The following RPS6KA2 variants were observed in gnomAD, a reference collection of about 807,000 sequenced individuals.
RPS6KA2 encodes the protein ribosomal protein S6 kinase A2, also known as ribosomal protein S6 kinase alpha-2.
Under a neutral mutation model 91.8 loss-of-function variants are expected in RPS6KA2, and 42 were observed. The ratio of observed to expected loss-of-function variants is 0.46; its 90% confidence interval spans 0.36 to 0.59. The LOEUF is 0.59. RPS6KA2 is among the 20% of genes least tolerant of loss of function. The probability of loss-of-function intolerance (pLI) is 0.00; values close to 1 mark genes in which losing one functional copy is unlikely to be tolerated. For missense variants in RPS6KA2, 798 were observed against 978.5 expected, an observed-to-expected ratio of 0.82 and a Z score of 2.46; for synonymous variants, 414 against 393.6, an observed-to-expected ratio of 1.05 and a Z score of -0.61.
chr6:166,469,737 A>T, intron 11 of RPS6KA2, 104 bp downstream of exon 11: 1 of 1,045,774 alleles, frequency 9.6e-7, no homozygotes, highest in Non-Finnish European at 1.5e-6. Flanking sequence ...CCTCCGACCT[A>T]CTTGTGACCC....
rs561563535 is a variant in RPS6KA2 at position 166,643,284 on chromosome 6, T to C, written c.124-104500A>G. On this transcript the variant is annotated intron_variant, in intron 2 of 21. Transcript: ENST00000503859. ...GTCAATGTTAATGAGCTAAACTCTC[T>C]AGTTAAAAGACAAAGAGTGCCAAAT... Among the ~76,000 whole-genome samples the C allele has an allele frequency of 2.6e-3, 398 of 152,334 alleles. 3 individuals are homozygous for C. The highest frequency in any genetic ancestry group is 8.9e-3 in the African/African-American group (369 of 41,572).
At chr6:166,814,397 G>A (rs1779711148) in intron 2 of RPS6KA2, among the ~76,000 whole-genome samples, 1 of 152,188 alleles carries the variant, frequency 6.6e-6, no homozygotes, top group South Asian at 2.1e-4. Flanking sequence ...TTGGTAATAT[G>A]TGCAAATACT....
intron 2 of RPS6KA2, among the ~76,000 whole-genome samples, chr6:166,785,024 G>A (rs1156850627): frequency 6.6e-6 from 1 of 152,220 alleles, no homozygotes; most frequent in Admixed American, 6.5e-5. Context: ...AGAGCAGGTT[G>A]TAGCTATTGG....
rs1786212149 is a variant in RPS6KA2, at chr6:166,612,326, G to C, written c.99+14595C>G. On this transcript the variant is annotated intron_variant, in intron 1 of 20. Coordinates refer to ENST00000265678, the MANE Select transcript of RPS6KA2 (RefSeq NM_021135.6). This position sits in a 1 kb window ranked among gnomAD's most constrained non-coding sequence, Gnocchi z 4.3. ...GGGACTTGTCCTTTCTGGCTTCTCAGTGGTCTGCTCAGAGACGTTTATCCT... is the reference window on the plus strand; with the variant it reads ...GGGACTTGTCCTTTCTGGCTTCTCACTGGTCTGCTCAGAGACGTTTATCCT... Among the ~76,000 whole-genome samples, 1 of 152,188 alleles carries C rather than the reference G, an allele frequency of 6.6e-6. No homozygotes were observed. Among genetic ancestry groups the C allele is most frequent in the Non-Finnish European group, 1.5e-5 (1 of 68,028 alleles).
rs1307621203 is a variant in RPS6KA2, at chr6:166,651,473, T to G, written c.124-112689A>C. On this transcript the variant is annotated intron_variant, in intron 2 of 21. Coordinates refer to the RPS6KA2 transcript ENST00000503859. ...TTGGCAATGGGTTTGTAATACCCAG[T>G]GGGCTCTTTTGTTGCTTAGCTTAAC... Among the ~76,000 whole-genome samples the G allele has an allele frequency of 2.0e-5, 3 of 152,362 alleles. No homozygotes were observed. In the East Asian group the frequency reaches 5.8e-4, roughly 29 times the overall value.
At chr6:166,511,832 A>C (rs1222167104) in intron 3 of RPS6KA2, among the ~76,000 whole-genome samples, 1 of 152,242 alleles carries the variant, frequency 6.6e-6, no homozygotes, top group Non-Finnish European at 1.5e-5. Context: ...ACTTGGAACC[A>C]TCATGCATTG....
chr6:166,514,886 G>A (rs1236084415), intron 3 of RPS6KA2, among the ~76,000 whole-genome samples: 2 of 152,196 alleles, frequency 1.3e-5, no homozygotes, highest in African/African-American at 4.8e-5. Context: ...AGCCAGGAGA[G>A]AAGTCAGGTG....
chr6:166,753,932 T>C (rs1393431923), intron 2 of RPS6KA2, among the ~76,000 whole-genome samples: 1 of 152,150 alleles, frequency 6.6e-6, no homozygotes, highest in Non-Finnish European at 1.5e-5. Flanking sequence ...ACAAGCATGA[T>C]GAGGAACCCA....
chr6:166,699,455 A>G (rs1235186443), intron 2 of RPS6KA2, among the ~76,000 whole-genome samples: 1 of 152,244 alleles, frequency 6.6e-6, no homozygotes, highest in Non-Finnish European at 1.5e-5. Context: ...TGTCTAATTG[A>G]TATGATCTTC....
chr6:166,490,139 A>G lies in RPS6KA2; in HGVS notation c.818+532T>C, dbSNP rs1781538187. Among the ~76,000 whole-genome samples, 1 of 152,186 alleles carries G rather than the reference A, an allele frequency of 6.6e-6. No homozygotes were observed. The highest frequency in any genetic ancestry group is 2.1e-4 in the South Asian group (1 of 4,820). ...ATTTTTCATGAGAATTAAGCAGAAAATGGTTTGTATCCAGTCACATGGTAA... is the reference window on the plus strand; with the variant it reads ...ATTTTTCATGAGAATTAAGCAGAAAGTGGTTTGTATCCAGTCACATGGTAA... On this transcript the variant is annotated intron_variant, in intron 9 of 20. Transcript: ENST00000265678. The surrounding 1 kb of genome is among the most constrained non-coding windows in gnomAD (Gnocchi z 4.2).
chr6:166,774,294 G>C (rs1778556028), intron 2 of RPS6KA2, among the ~76,000 whole-genome samples: 1 of 152,224 alleles, frequency 6.6e-6, no homozygotes, highest in South Asian at 2.1e-4. Context: ...TTCCTCAAAA[G>C]ACACATTTAG....
At chr6:166,505,442 C>G (rs1384380691) in intron 5 of RPS6KA2, among the ~76,000 whole-genome samples, 1 of 152,210 alleles carries the variant, frequency 6.6e-6, no homozygotes, top group Non-Finnish European at 1.5e-5. Flanking sequence ...ATTTTGTAGA[C>G]CCCCTTAAGA....
At chr6:166,524,884 C>T (rs1016669118) in intron 3 of RPS6KA2, among the ~76,000 whole-genome samples, 1 of 152,200 alleles carries the variant, frequency 6.6e-6, no homozygotes, top group African/African-American at 2.4e-5. Context: ...ACTTGGTGTT[C>T]CTGGCCCCTG....
At chr6:166,441,284 G>T (rs1779510929) in intron 14 of RPS6KA2, among the ~76,000 whole-genome samples, 1 of 152,200 alleles carries the variant, frequency 6.6e-6, no homozygotes, top group Non-Finnish European at 1.5e-5. Context: ...GCCTCTGCCT[G>T]TCTCTGCACC....
chr6:166,705,899 T>C (rs1043626929), intron 2 of RPS6KA2, among the ~76,000 whole-genome samples: 6 of 151,468 alleles, frequency 4.0e-5, no homozygotes, highest in African/African-American at 1.2e-4. Flanking sequence ...GTCTGGGAGG[T>C]GATTAGGTCA....
rs1778799891 is a variant in RPS6KA2, at chr6:166,423,407, C to T, written c.1592G>A (p.Arg531Gln). Residue 531 changes from arginine to glutamine, a missense_variant, in exon 17 of 21, where the codon CGA becomes CAA. Coordinates refer to ENST00000265678, the MANE Select transcript of RPS6KA2 (RefSeq NM_021135.6). The surrounding 1 kb of genome is among the most constrained non-coding windows in gnomAD (Gnocchi z 4.8). ...CAGGATGTTACTCGGCTTCAGGTCT[C>T]GATGAACAACCTGCAAGACAGAAGG... ...DYLHSQGVVH[R>Q]DLKPSNILYR... 12 of 1,608,716 alleles carry T rather than the reference C, an allele frequency of 7.5e-6. No homozygotes were observed. The highest frequency in any genetic ancestry group is 8.5e-6 in the Non-Finnish European group (10 of 1,175,632).
At position 166,635,459 on chromosome 6, in the gene RPS6KA2, A is replaced by G. The variant is rs2128547441; in HGVS notation, c.124-96675T>C. Among the ~76,000 whole-genome samples, 2 of 152,346 alleles carry G rather than the reference A, an allele frequency of 1.3e-5. No homozygotes were observed. The highest frequency in any genetic ancestry group is 6.8e-3 in the Middle Eastern group (2 of 294). On this transcript the variant is annotated intron_variant, in intron 2 of 21. Transcript: ENST00000503859. The surrounding 1 kb of genome is among the most constrained non-coding windows in gnomAD (Gnocchi z 4.8). ...CCTTAGTCTCGCAGATGACTGCTAC[A>G]TTCACAGGCTATGATGAGCAAGCGC...
At chr6:166,851,595 G>C (rs542299552) in intron 2 of RPS6KA2, among the ~76,000 whole-genome samples, 9 of 152,160 alleles carry the variant, frequency 5.9e-5, no homozygotes, top group Admixed American at 5.2e-4. Context: ...TGAGTGCTCC[G>C]CTCCAGGCTC....
chr6:166,856,378 CT>C (rs763744550), intron 2 of RPS6KA2, among the ~76,000 whole-genome samples: 48 of 152,186 alleles, frequency 3.2e-4, no homozygotes, highest in Non-Finnish European at 6.2e-4. Flanking sequence ...GAAAGTGTGC[CT>C]TCACCAGCCA....
Sources: allele counts gnomAD v4.1 joint callset (sites outside exome capture counted in the v4.1 genomes callset), GRCh38; gene constraint gnomAD v4.1.1; non-coding constraint Gnocchi (gnomAD v3.1); transcripts MANE v1.5; gene names NCBI Gene and HGNC (gene_info 2026-07-23, HGNC 2026-07-21).